The following DMD variants were observed in gnomAD, a reference collection of about 807,000 sequenced individuals.
DMD encodes dystrophin.
A neutral mutation model predicts 330.1 loss-of-function variants in DMD; 63 were observed. The ratio of observed to expected loss-of-function variants is 0.19; its 90% CI spans 0.16 to 0.24. DMD has a LOEUF of 0.24. DMD is among the 10% of genes least tolerant of loss of function. DMD has a pLI of 1.00. For synonymous variants in DMD, 1,223 were observed against 959.8 expected (o/e 1.27, Z -5.07); for missense variants, 3,344 against 2,684.1 (o/e 1.25, Z -5.43).
chrX:31,261,042 C>G, intron 62 of DMD, 26 bp from the exon 63 acceptor site: 4 of 1,180,080 alleles, frequency 3.4e-6, no homozygotes, highest in East Asian at 3.0e-5. Context: ...TAAAGAAAGA[C>G]TTTAGCATTT....
At chrX:33,240,881 T>C (rs1486166141) in intron 1 of DMD, among the ~76,000 whole-genome samples, 1 of 112,011 alleles carries the variant, frequency 8.9e-6, no homozygotes, top group Non-Finnish European at 1.9e-5. Context: ...CCTGCTCAGA[T>C]CTTTTGCTCA....
At chrX:32,279,675 G>T (rs886680563) in intron 43 of DMD, among the ~76,000 whole-genome samples, 2 of 107,176 alleles carry the variant, frequency 1.9e-5, no homozygotes, top group Non-Finnish European at 3.9e-5. Flanking sequence ...AAGGGTAGTG[G>T]GGGGGTTGAG....
chrX:32,107,396 T>A (rs2096569622), intron 44 of DMD, among the ~76,000 whole-genome samples: 1 of 104,488 alleles, frequency 9.6e-6, no homozygotes, highest in Non-Finnish European at 2.0e-5. Flanking sequence ...TTGTATGTGG[T>A]AAGAAATTGG....
chrX:32,655,507 T>C (rs2060497217), intron 9 of DMD, among the ~76,000 whole-genome samples: 1 of 112,219 alleles, frequency 8.9e-6, no homozygotes, highest in African/African-American at 3.2e-5. Flanking sequence ...GAGAGACACT[T>C]TGTTATAATT....
At chrX:33,175,528 A>C (rs928556941) in intron 1 of DMD, among the ~76,000 whole-genome samples, 2 of 112,460 alleles carry the variant, frequency 1.8e-5, no homozygotes, top group African/African-American at 6.5e-5. Context: ...CCAATTATAC[A>C]CTATGCCCTT....
chrX:32,573,377 A>G (rs888801830), intron 15 of DMD, among the ~76,000 whole-genome samples, 153 bp downstream of exon 15: 3 of 112,156 alleles, frequency 2.7e-5, no homozygotes, highest in African/African-American at 9.7e-5. Context: ...TCCCACTTTA[A>G]TTCAGAAAAG....
intron 47 of DMD, among the ~76,000 whole-genome samples, chrX:31,925,044 CAT>C (rs1389991962): frequency 8.9e-6 from 1 of 112,118 alleles, no homozygotes; most frequent in Admixed American, 9.5e-5. Context: ...TCTGAAACAA[CAT>C]AAACATGTTT....
At chrX:32,551,417 G>A in intron 16 of DMD, among the ~76,000 whole-genome samples, 1 of 111,096 alleles carries the variant, frequency 9.0e-6, no homozygotes, top group Admixed American at 9.6e-5. Flanking sequence ...TATAGAAAAG[G>A]CATCCTATAA....
intron 60 of DMD, among the ~76,000 whole-genome samples, chrX:31,420,430 C>T (rs1383111994): frequency 8.9e-6 from 1 of 112,357 alleles, no homozygotes; most frequent in African/African-American, 3.2e-5. Context: ...ACACCCTCAG[C>T]TGGATGACAA....
intron 18 of DMD, among the ~76,000 whole-genome samples, chrX:32,514,538 G>C (rs955662442): frequency 1.8e-5 from 2 of 111,646 alleles, no homozygotes; most frequent in South Asian, 7.5e-4. Context: ...TCAGGAGATC[G>C]AGACCATCCT....
intron 61 of DMD, among the ~76,000 whole-genome samples, chrX:31,326,070 T>A (rs995988956): frequency 2.7e-4 from 30 of 109,979 alleles, no homozygotes; most frequent in African/African-American, 9.9e-4. Flanking sequence ...TAGGCGTCTC[T>A]CAGAAAGAAG....
intron 43 of DMD, among the ~76,000 whole-genome samples, chrX:32,252,816 G>A (rs7055397): frequency 0.024 from 413 of 17,543 alleles, 14 homozygotes; most frequent in African/African-American, 0.084. Context: ...ATATATATAA[G>A]TATATAAATA....
intron 44 of DMD, among the ~76,000 whole-genome samples, chrX:32,130,231 G>C (rs181825820): frequency 1.8e-5 from 2 of 111,415 alleles, no homozygotes; most frequent in Non-Finnish European, 3.8e-5. Context: ...GCAGATTATG[G>C]CTTTTGCTAC....
intron 1 of DMD, among the ~76,000 whole-genome samples, chrX:33,091,945 T>C (rs987316602): frequency 1.1e-4 from 12 of 112,064 alleles, no homozygotes; most frequent in East Asian, 5.6e-4. Context: ...ACTCTTACGC[T>C]CTCTCATGCA....
At chrX:32,726,243 A>T (rs967233587) in intron 7 of DMD, among the ~76,000 whole-genome samples, 1 of 111,432 alleles carries the variant, frequency 9.0e-6, no homozygotes, top group African/African-American at 3.3e-5. Context: ...TTAGTTCGAT[A>T]GATAAGGTCA....
At chrX:33,101,574 C>A (rs1374884492) in intron 1 of DMD, among the ~76,000 whole-genome samples, 1 of 110,845 alleles carries the variant, frequency 9.0e-6, no homozygotes, top group South Asian at 3.8e-4. Flanking sequence ...GAGGTTGCAG[C>A]GGGCAGAGAT....
intron 6 of DMD, among the ~76,000 whole-genome samples, chrX:32,815,089 T>G (rs1187257458): frequency 9.0e-6 from 1 of 110,984 alleles, no homozygotes; most frequent in South Asian, 3.8e-4. Flanking sequence ...ACGTGACATT[T>G]GAATGCATGT....
intron 43 of DMD, among the ~76,000 whole-genome samples, chrX:32,272,928 G>GT (rs113712059): frequency 0.095 from 10,592 of 111,376 alleles, 1,049 homozygotes; most frequent in African/African-American, 0.3. Flanking sequence ...TTAAATTTAG[G>GT]TAACTTATAT....
At chrX:32,370,828 C>A (rs1433655235) in intron 34 of DMD, among the ~76,000 whole-genome samples, 1 of 111,228 alleles carries the variant, frequency 9.0e-6, no homozygotes, top group African/African-American at 3.3e-5. Flanking sequence ...GAAACCAGAT[C>A]TCTTTAAACT....
Sources: allele counts gnomAD v4.1 joint callset (sites outside exome capture counted in the v4.1 genomes callset), GRCh38; gene constraint gnomAD v4.1.1; transcripts MANE v1.5; gene names NCBI Gene and HGNC (gene_info 2026-07-23, HGNC 2026-07-21).